Variants in PRTFDC1 observed in about 807,000 individuals in gnomAD.
PRTFDC1 encodes phosphoribosyl transferase domain containing 1.
In PRTFDC1, 38 loss-of-function variants were observed where a neutral mutation model predicts 34.6. The observed-to-expected ratio is 1.10, with a 90% CI of 0.85 to 1.44. PRTFDC1 has a LOEUF of 1.44. Ranked by LOEUF, PRTFDC1 falls within the 40% of genes most tolerant of loss-of-function variation. PRTFDC1 has a pLI of 0.00. For synonymous variants in PRTFDC1, 93 were observed against 98.1 expected (o/e 0.95, Z 0.31); for missense variants, 270 against 283.0 (o/e 0.95, Z 0.33).
chr10:24,908,760 A>C, intron 3 of PRTFDC1: 1 of 1,475,552 alleles, frequency 6.8e-7, no homozygotes, highest in Middle Eastern at 2.5e-4. Context: ...AGCCTGATCA[A>C]CCCTAGCGAT....
chr10:24,869,554 C>A (rs1037196491), intron 4 of PRTFDC1, among the ~76,000 whole-genome samples: 42 of 152,226 alleles, frequency 2.8e-4, no homozygotes, highest in African/African-American at 1.0e-3. Context: ...ACATTTACAA[C>A]TGTGATGCTC....
intron 3 of PRTFDC1, among the ~76,000 whole-genome samples, chr10:24,910,363 C>CTT (rs1331589524): frequency 3.9e-5 from 6 of 152,170 alleles, no homozygotes; most frequent in Non-Finnish European, 5.9e-5. Context: ...TGGCCAACCA[C>CTT]AAGTAAGTCA....
rs141317047 is a variant in PRTFDC1 at position 24,875,185 on chromosome 10, C to T, written c.340-3122G>A. On this transcript the variant is annotated intron_variant, in intron 3 of 8. Coordinates refer to ENST00000320152, the MANE Select transcript of PRTFDC1 (RefSeq NM_020200.7). ...TGAGGTACAATGCGATGTTATGATA[C>T]GTTTCTACATTATGGAATGATCAGA... Among the ~76,000 whole-genome samples the T allele has an allele frequency of 3.1e-3, 467 of 152,264 alleles. 3 individuals are homozygous for T. Among genetic ancestry groups the T allele is most frequent in the African/African-American group, 0.011 (447 of 41,556 alleles).
chr10:24,942,573 A>G (rs1054936329), intron 1 of PRTFDC1, 137 bp from the exon 2 acceptor site: 1 of 699,172 alleles, frequency 1.4e-6, no homozygotes, highest in Middle Eastern at 3.8e-4. Context: ...TGTTTCCACA[A>G]CCTGATACAA....
intron 3 of PRTFDC1, 85 bp downstream of exon 3, chr10:24,937,098 CT>C (rs1252256301): frequency 1.6e-6 from 2 of 1,256,504 alleles, no homozygotes; most frequent in African/African-American, 3.0e-5. Flanking sequence ...AAAAATTGCA[CT>C]CTTCATTTTC....
intron 3 of PRTFDC1, among the ~76,000 whole-genome samples, chr10:24,906,356 CTG>C (rs1390619808): frequency 6.6e-6 from 1 of 152,150 alleles, no homozygotes; most frequent in Non-Finnish European, 1.5e-5. Context: ...CAGCTACTCT[CTG>C]AGGTCAAGAT....
In PRTFDC1 at chr10:24,849,821, T is replaced by G. The variant is rs752995690; in HGVS notation, c.*23A>C. 1 of 1,612,312 alleles carries G rather than the reference T, an allele frequency of 6.2e-7. No homozygotes were observed. Among genetic ancestry groups the G allele is most frequent in the East Asian group, 2.2e-5 (1 of 44,872 alleles). ...GCGTAAATATGATGCTATCTGGGAC[T>G]TTAGTGGTGAGAATTCATGTCTTTA... On this transcript the variant is annotated 3_prime_UTR_variant, in exon 9 of 9. Transcript: ENST00000320152.
chr10:24,894,864 C>G (rs1176465225), intron 3 of PRTFDC1, among the ~76,000 whole-genome samples: 2 of 152,106 alleles, frequency 1.3e-5, no homozygotes, highest in Non-Finnish European at 2.9e-5. Context: ...CCAAATGCAG[C>G]CTGGCTCAGA....
chr10:24,852,109 T>G (rs1847501252), intron 7 of PRTFDC1, among the ~76,000 whole-genome samples: 1 of 152,080 alleles, frequency 6.6e-6, no homozygotes, highest in Non-Finnish European at 1.5e-5. Context: ...GGAAATGGAT[T>G]TAAGCACAGT....
chr10:24,942,785 C>G (rs1201285004), intron 1 of PRTFDC1, among the ~76,000 whole-genome samples: 1 of 152,118 alleles, frequency 6.6e-6, no homozygotes, highest in Non-Finnish European at 1.5e-5. Context: ...GGAGCTGGGA[C>G]TACAGGCATG....
intron 2 of PRTFDC1, among the ~76,000 whole-genome samples, chr10:24,938,668 G>C (rs1306705251): frequency 6.6e-6 from 1 of 152,178 alleles, no homozygotes; most frequent in East Asian, 1.9e-4. Flanking sequence ...CCAGGGAGGA[G>C]GTTAGACAGT....
At chr10:24,905,028 CA>C (rs771439181) in intron 3 of PRTFDC1, among the ~76,000 whole-genome samples, 11 of 152,060 alleles carry the variant, frequency 7.2e-5, no homozygotes, top group Non-Finnish European at 1.3e-4. Context: ...CTATGCTAGC[CA>C]GGTGTGGTGT....
intron 3 of PRTFDC1, among the ~76,000 whole-genome samples, chr10:24,919,796 C>A (rs1263883882): frequency 4.6e-5 from 7 of 151,250 alleles, no homozygotes; most frequent in East Asian, 2.0e-4. Flanking sequence ...TAAAAAAAAA[C>A]CATTAAAAAT....
chr10:24,871,483 T>C (rs1847866078), intron 4 of PRTFDC1, among the ~76,000 whole-genome samples: 2 of 152,194 alleles, frequency 1.3e-5, no homozygotes, highest in Non-Finnish European at 2.9e-5. Flanking sequence ...CTGGAGGTGT[T>C]CTTCCTATTA....
chr10:24,947,334 TAAATC>T (rs1483080332), intron 1 of PRTFDC1, among the ~76,000 whole-genome samples: 1 of 152,186 alleles, frequency 6.6e-6, no homozygotes, highest in Non-Finnish European at 1.5e-5. Flanking sequence ...GTGTTGTAAA[TAAATC>T]AAAACCTGCA....
intron 3 of PRTFDC1, among the ~76,000 whole-genome samples, chr10:24,903,171 G>A (rs374189760): frequency 2.0e-5 from 3 of 152,104 alleles, no homozygotes; most frequent in East Asian, 1.9e-4. Flanking sequence ...GATCGTGAGC[G>A]CTCCAGCCTG....
intron 4 of PRTFDC1, 74 bp from the exon 5 acceptor site, chr10:24,858,483 T>C (rs993481024): frequency 2.7e-6 from 4 of 1,499,702 alleles, no homozygotes; most frequent in Non-Finnish European, 3.7e-6. Context: ...ATTTTTTTGC[T>C]TATAGTTAGA....
At chr10:24,949,731 ATTTATTTATTTTTTTT>A (rs1849307671) in intron 1 of PRTFDC1, among the ~76,000 whole-genome samples, 1 of 114,380 alleles carries the variant, frequency 8.7e-6, no homozygotes, top group Admixed American at 9.4e-5. Context: ...TTATTTATTT[ATTTATTTATTTTTTTT>A]TTTTTTTTTA....
intron 3 of PRTFDC1, among the ~76,000 whole-genome samples, chr10:24,936,304 AAG>A (rs1425608707): frequency 2.0e-5 from 3 of 150,500 alleles, no homozygotes. Flanking sequence ...TTTTTTTGGC[AAG>A]AGTTTCATTG....
Sources: gnomAD v4.1 joint callset for allele counts (sites outside exome capture counted in the v4.1 genomes callset) on GRCh38, gnomAD v4.1.1 for gene constraint, MANE v1.5 for transcripts, NCBI Gene and HGNC (gene_info 2026-07-23, HGNC 2026-07-21) for gene names.